Variants in TFDP2 observed in about 807,000 individuals in gnomAD.
The protein encoded by TFDP2 is transcription factor Dp-2, also known as transcription factor Dp-2 (E2F dimerization partner 2).
TFDP2 carries 17 observed loss-of-function variants against 59.3 expected under a neutral mutation model. That is an observed-to-expected ratio of 0.29 (90% CI 0.20 to 0.43). TFDP2 has a LOEUF of 0.43. TFDP2 is among the 20% of genes least tolerant of loss of function. TFDP2 has a pLI of 1.00. For synonymous variants in TFDP2, 180 were observed against 194.7 expected (o/e 0.92, Z 0.63); for missense variants, 391 against 528.8 (o/e 0.74, Z 2.56).
chr3:142,066,363 G>T (rs768671200), intron 3 of TFDP2, among the ~76,000 whole-genome samples: 4 of 152,190 alleles, frequency 2.6e-5, no homozygotes, highest in African/African-American at 4.8e-5. Flanking sequence ...TGAAAATATT[G>T]TAAGTTGGAA....
intron 3 of TFDP2, chr3:142,043,918 A>T: frequency 1.1e-6 from 1 of 883,700 alleles, no homozygotes; most frequent in Admixed American, 1.7e-5. Flanking sequence ...CAGAATCCAC[A>T]TGACCTTCTC....
chr3:142,135,944 G>A (rs928269393), intron 1 of TFDP2, among the ~76,000 whole-genome samples: 8 of 151,924 alleles, frequency 5.3e-5, no homozygotes, highest in Non-Finnish European at 1.2e-4. Flanking sequence ...TGGGTCAAAT[G>A]GTATTTCTAG....
chr3:141,969,063 CTCA>C (rs1251158470), intron 9 of TFDP2, among the ~76,000 whole-genome samples: 1 of 64,416 alleles, frequency 1.6e-5, no homozygotes, highest in Non-Finnish European at 3.0e-5. Context: ...ACATATATAT[CTCA>C]TATATATGAG....
intron 4 of TFDP2, among the ~76,000 whole-genome samples, chr3:141,999,828 C>T (rs538382935): frequency 7.9e-5 from 12 of 152,092 alleles, no homozygotes; most frequent in South Asian, 4.2e-4. Context: ...CTCCGCCTCC[C>T]GGGTTCATGC....
At chr3:142,076,604 G>C (rs950597503) in intron 3 of TFDP2, among the ~76,000 whole-genome samples, 1 of 152,142 alleles carries the variant, frequency 6.6e-6, no homozygotes, top group Admixed American at 6.5e-5. Context: ...TATATATATA[G>C]ATGAGGTTGT....
At chr3:142,004,536 G>A (rs916071349) in intron 4 of TFDP2, among the ~76,000 whole-genome samples, 7 of 152,154 alleles carry the variant, frequency 4.6e-5, no homozygotes, top group Non-Finnish European at 1.0e-4. Flanking sequence ...ATGCAACCTT[G>A]CTTATAAATA....
chr3:142,064,113 C>A (rs1252878910), intron 3 of TFDP2, among the ~76,000 whole-genome samples: 1 of 152,150 alleles, frequency 6.6e-6, no homozygotes, highest in Non-Finnish European at 1.5e-5. Context: ...GCCACCACAT[C>A]CAGGTAATTT....
chr3:142,084,877 CA>C (rs374592898), intron 3 of TFDP2, among the ~76,000 whole-genome samples: 1,861 of 147,294 alleles, frequency 0.013, 39 homozygotes, highest in African/African-American at 0.044. Flanking sequence ...TTAACGAGTA[CA>C]AAAAAAAACA....
chr3:141,965,137 T>C (rs1226995586), intron 9 of TFDP2, among the ~76,000 whole-genome samples: 2 of 149,984 alleles, frequency 1.3e-5, no homozygotes, highest in African/African-American at 5.1e-5. Flanking sequence ...CTAGAAAGAC[T>C]GTATGCAGTT....
At chr3:142,102,065 G>A (rs2061331394) in intron 1 of TFDP2, among the ~76,000 whole-genome samples, 1 of 152,202 alleles carries the variant, frequency 6.6e-6, no homozygotes, top group Non-Finnish European at 1.5e-5. Flanking sequence ...CACAAGTGCT[G>A]GAGCCTGGGC....
intron 4 of TFDP2, among the ~76,000 whole-genome samples, chr3:142,002,156 G>A (rs1249790335): frequency 6.6e-6 from 1 of 151,634 alleles, no homozygotes. Context: ...CACCATGTCC[G>A]GCTAATTTTT....
chr3:142,079,664 T>C (rs185438514), intron 3 of TFDP2, among the ~76,000 whole-genome samples: 34 of 152,158 alleles, frequency 2.2e-4, no homozygotes, highest in African/African-American at 8.2e-4. Context: ...ACAAATAACA[T>C]GCAATGAAGC....
chr3:142,112,059 C>G (rs1448811579), intron 1 of TFDP2, among the ~76,000 whole-genome samples: 1 of 149,896 alleles, frequency 6.7e-6, no homozygotes, highest in African/African-American at 2.5e-5. Flanking sequence ...GAGCAAGACT[C>G]TGTCTAAAAA....
At chr3:142,045,537 A>G (rs1947291753) in intron 3 of TFDP2, among the ~76,000 whole-genome samples, 2 of 151,654 alleles carry the variant, frequency 1.3e-5, no homozygotes, top group Non-Finnish European at 2.9e-5. Flanking sequence ...TGAGAAATCT[A>G]TCCAGGTTTG....
chr3:141,978,761 G>C (rs1941093371), intron 6 of TFDP2, 79 bp from the exon 7 acceptor site: 6 of 1,068,412 alleles, frequency 5.6e-6, no homozygotes, highest in Non-Finnish European at 6.2e-6. Context: ...GATAATGCAA[G>C]AAGACAGTAA....
intron 3 of TFDP2, among the ~76,000 whole-genome samples, chr3:142,067,810 C>T (rs1374027632): frequency 6.6e-6 from 1 of 151,930 alleles, no homozygotes; most frequent in Non-Finnish European, 1.5e-5. Context: ...CAAGACCAGC[C>T]TAGGCAACAA....
chr3:141,998,539 C>T (rs1348895752), intron 4 of TFDP2, among the ~76,000 whole-genome samples: 2 of 152,132 alleles, frequency 1.3e-5, no homozygotes, highest in Non-Finnish European at 2.9e-5. Flanking sequence ...ATCACTTGAA[C>T]CTGGGAAGCG....
chr3:141,958,025 T>A (rs900028806), intron 11 of TFDP2, among the ~76,000 whole-genome samples: 2 of 152,190 alleles, frequency 1.3e-5, no homozygotes, highest in Non-Finnish European at 2.9e-5. Flanking sequence ...CAGACCCACC[T>A]GATTAGGAAA....
chr3:141,961,964 G>C (rs1013106904), intron 10 of TFDP2, among the ~76,000 whole-genome samples: 22 of 151,876 alleles, frequency 1.4e-4, no homozygotes, highest in Non-Finnish European at 8.8e-5. Context: ...CTTTTTTTGG[G>C]GGGGACGGAG....
Sources: allele counts gnomAD v4.1 joint callset (sites outside exome capture counted in the v4.1 genomes callset), GRCh38; gene constraint gnomAD v4.1.1; transcripts MANE v1.5; gene names NCBI Gene and HGNC (gene_info 2026-07-23, HGNC 2026-07-21).